SGCD: variants seen among roughly 807,000 people sequenced by gnomAD.
SGCD encodes the protein delta-sarcoglycan.
Under a neutral mutation model 36.6 loss-of-function variants are expected in SGCD, and 18 were observed. The ratio of observed to expected loss-of-function variants is 0.49; its 90% CI spans 0.34 to 0.73. The LOEUF (loss-of-function observed/expected upper bound fraction) is 0.73, where lower values mean the gene tolerates loss of function less well. SGCD is among the 30% of genes least tolerant of loss of function. The probability of loss-of-function intolerance (pLI) is 0.01; values close to 1 mark genes in which losing one functional copy is unlikely to be tolerated. For synonymous variants in SGCD, 133 were observed against 130.6 expected (o/e 1.02, Z -0.12); for missense variants, 387 against 346.7 (o/e 1.12, Z -0.92).
chr5:155,818,838 C>T, the SGCD span, among the ~76,000 whole-genome samples: 4 of 152,078 alleles, frequency 2.6e-5, no homozygotes, highest in East Asian at 5.8e-4. Flanking sequence ...GAGATACTTA[C>T]GGAGAGTGAC....
chr5:156,158,183 C>T (rs1763008599), intron 3 of SGCD, among the ~76,000 whole-genome samples: 2 of 151,352 alleles, frequency 1.3e-5, no homozygotes, highest in Non-Finnish European at 2.9e-5. Flanking sequence ...CACTGTGGTC[C>T]ACCATTTCCA....
Position 156,061,920 on chromosome 5 carries a change from T to A in SGCD, c.-281-55958T>A, listed in dbSNP as rs892794237. The stretch of plus-strand genomic sequence containing the variant: ...TGGTGATAATTCCAGGAGTTTTCAC[T>A]TTTTTTTTTTTTTTTTTTTTTTTTA... On this transcript the variant is annotated intron_variant, in intron 1 of 9. Coordinates refer to the SGCD transcript ENST00000517913. 7.7e-4 allele frequency among the ~76,000 whole-genome samples: 50 copies of A among 64,896 alleles called. 8 individuals carry two copies. The highest frequency in any genetic ancestry group is 3.0e-3 in the African/African-American group (29 of 9,590). 42.6% of individuals were successfully genotyped at this position (64,896 alleles called of 152,430 possible).
chr5:155,916,863 G>A (rs1756753457), intron 1 of SGCD, among the ~76,000 whole-genome samples: 1 of 152,170 alleles, frequency 6.6e-6, no homozygotes, highest in Non-Finnish European at 1.5e-5. Flanking sequence ...GGTGAGGAGT[G>A]CTATGTGCAT....
At chr5:155,880,723 T>A (rs1418856499) in intron 1 of SGCD, among the ~76,000 whole-genome samples, 1 of 152,262 alleles carries the variant, frequency 6.6e-6, no homozygotes, top group East Asian at 1.9e-4. Flanking sequence ...ACAGCTGAAC[T>A]TGAGCCAGAA....
At chr5:155,905,054 T>A (rs1756472229) in intron 1 of SGCD, among the ~76,000 whole-genome samples, 1 of 152,162 alleles carries the variant, frequency 6.6e-6, no homozygotes, top group African/African-American at 2.4e-5. Context: ...GTATCTTCCC[T>A]GTCTTTCTTG....
chr5:156,237,738 G>A (rs1398186312), intron 3 of SGCD, among the ~76,000 whole-genome samples: 1 of 152,152 alleles, frequency 6.6e-6, no homozygotes, highest in Non-Finnish European at 1.5e-5. Context: ...AGCAGGATCT[G>A]TGTTCACCCT....
At chr5:156,503,222 G>A (rs1027253944) in intron 3 of SGCD, among the ~76,000 whole-genome samples, 4 of 152,138 alleles carry the variant, frequency 2.6e-5, no homozygotes, top group African/African-American at 9.7e-5. Flanking sequence ...GTTATAAACT[G>A]TCTTACAGGA....
At chr5:155,807,421 T>C in the SGCD span, among the ~76,000 whole-genome samples, 1 of 152,252 alleles carries the variant, frequency 6.6e-6, no homozygotes, top group African/African-American at 2.4e-5. Context: ...GGGATTCACT[T>C]GTGTTTTAAT....
chr5:155,978,574 G>C (rs1758167947), intron 1 of SGCD, among the ~76,000 whole-genome samples: 1 of 152,178 alleles, frequency 6.6e-6, no homozygotes, highest in Admixed American at 6.5e-5. Flanking sequence ...GGTGGCTTTT[G>C]CTTTTAAGTC....
At chr5:155,933,836 C>T (rs568918550) in intron 1 of SGCD, among the ~76,000 whole-genome samples, 1 of 152,336 alleles carries the variant, frequency 6.6e-6, no homozygotes, top group South Asian at 2.1e-4. Context: ...TTTTATCAGT[C>T]ATCCCTAGGT....
chr5:156,372,765 C>T (rs1196753111), intron 3 of SGCD, among the ~76,000 whole-genome samples: 1 of 152,200 alleles, frequency 6.6e-6, no homozygotes, highest in East Asian at 1.9e-4. Flanking sequence ...CTGCATTCAG[C>T]ATTCCCTCAG....
Position 156,068,929 on chromosome 5 carries a change from G to A in SGCD, c.-281-48949G>A, listed in dbSNP as rs538480438. Among the ~76,000 whole-genome samples the A allele has an allele frequency of 1.5e-3, 221 of 152,096 alleles. 3 individuals carry two copies. The East Asian group carries it at 0.032, about 22-fold the overall frequency. On this transcript the variant is annotated intron_variant, in intron 1 of 9. Transcript: ENST00000517913. ...GGCTGCGTAAATGTCTTCTTTTGAG[G>A]AGTGTCTGTTCATGTCCTTTGCCCA...
rs570489439 is a variant in SGCD, at chr5:155,980,933, C to G, written c.-282+110509C>G. Among the ~76,000 whole-genome samples the G allele has an allele frequency of 2.0e-5, 3 of 152,294 alleles. 1 individual carries two copies. In the South Asian group the frequency reaches 6.2e-4, roughly 32 times the overall value. Reference sequence around the variant, plus strand: ...GGAACCAAACAACTGTTGGCACCATCTGGGAAACCAGTGGTCAACTTACAA... The same window carrying G: ...GGAACCAAACAACTGTTGGCACCATGTGGGAAACCAGTGGTCAACTTACAA... On this transcript the variant is annotated intron_variant, in intron 1 of 9. Coordinates refer to the SGCD transcript ENST00000517913.
chr5:156,732,159 T>G (rs1325193360), intron 7 of SGCD, among the ~76,000 whole-genome samples: 1 of 152,034 alleles, frequency 6.6e-6, no homozygotes, highest in Admixed American at 6.5e-5. Context: ...AATACCCAGG[T>G]GAGAACTTCC....
intron 3 of SGCD, among the ~76,000 whole-genome samples, chr5:156,469,384 A>G (rs903345013): frequency 6.6e-6 from 1 of 152,230 alleles, no homozygotes; most frequent in African/African-American, 2.4e-5. Flanking sequence ...ATGATAATCC[A>G]AGCTATTAAG....
At chr5:156,125,959 C>T (rs182243029) in intron 3 of SGCD, among the ~76,000 whole-genome samples, 14 of 151,330 alleles carry the variant, frequency 9.3e-5, no homozygotes, top group African/African-American at 3.1e-4. Flanking sequence ...CTCACTGCAA[C>T]CTCCACCTCC....
chr5:156,003,360 G>GA (rs900428685), intron 1 of SGCD, among the ~76,000 whole-genome samples: 13 of 152,172 alleles, frequency 8.5e-5, no homozygotes, highest in African/African-American at 3.1e-4. Context: ...AATGGACAAA[G>GA]AATTGAAAAA....
intron 3 of SGCD, among the ~76,000 whole-genome samples, chr5:156,256,284 A>C (rs1252421740): frequency 2.0e-5 from 3 of 152,358 alleles, no homozygotes; most frequent in South Asian, 4.1e-4. Flanking sequence ...ACTCAAAACA[A>C]GTTAAGAATA....
intron 1 of SGCD, among the ~76,000 whole-genome samples, chr5:155,919,319 G>A (rs544590516): frequency 2.0e-5 from 3 of 152,222 alleles, no homozygotes; most frequent in East Asian, 3.9e-4. Context: ...TCCACTTATT[G>A]GCCTGTGTTT....
Sources: gnomAD v4.1 joint callset for allele counts (sites outside exome capture counted in the v4.1 genomes callset) on GRCh38, gnomAD v4.1.1 for gene constraint, MANE v1.5 for transcripts, NCBI Gene and HGNC (gene_info 2026-07-23, HGNC 2026-07-21) for gene names.